The following RBFOX1 variants were observed in gnomAD, a reference collection of about 807,000 sequenced individuals.
RBFOX1 encodes RNA binding fox-1 homolog 1.
Under a neutral mutation model 57.7 loss-of-function variants are expected in RBFOX1, and 8 were observed. The observed-to-expected ratio is 0.14, with a 90% CI of 0.08 to 0.25. The LOEUF is 0.25. RBFOX1 is among the 10% of genes least tolerant of loss of function. The pLI, the probability that RBFOX1 is intolerant of heterozygous loss-of-function variation, is 1.00. For missense variants in RBFOX1, 611 were observed against 548.5 expected (o/e 1.11, Z -1.14); for synonymous variants, 326 against 222.4 (o/e 1.47, Z -4.15).
chr16:5,847,988 G>A (rs1025773625), intron 3 of RBFOX1, among the ~76,000 whole-genome samples: 3 of 152,116 alleles, frequency 2.0e-5, no homozygotes, highest in Admixed American at 6.5e-5. Context: ...ATCATCTGGT[G>A]TAGTGTAAAC....
chr16:7,161,118 C>G lies in RBFOX1; in HGVS notation c.27+109020C>G, dbSNP rs577434842. 6.9e-4 allele frequency among the ~76,000 whole-genome samples: 104 copies of G among 151,730 alleles called. 1 individual carries two copies. The highest frequency in any genetic ancestry group is 2.3e-3 in the African/African-American group (95 of 41,064). On this transcript the variant is annotated intron_variant, in intron 4 of 15. Coordinates refer to ENST00000550418, the MANE Select transcript of RBFOX1 (RefSeq NM_018723.4). The stretch of plus-strand genomic sequence containing the variant: ...GTGTATTTAGTGTTTACATCAAGAC[C>G]AACCTCTGGGATTACAAAATAATTT...
chr16:5,472,823 C>T (rs2069183706), intron 2 of RBFOX1, among the ~76,000 whole-genome samples: 1 of 152,208 alleles, frequency 6.6e-6, no homozygotes, highest in African/African-American at 2.4e-5. Context: ...TCCATGGAAG[C>T]TGCACGCCTG....
At chr16:5,600,954 A>G (rs981208880), downstream of RBFOX1, among the ~76,000 whole-genome samples, 1 of 152,140 alleles carries the variant, frequency 6.6e-6, no homozygotes, top group East Asian at 1.9e-4. Flanking sequence ...GTAATTGCCC[A>G]TGGTCACACA....
chr16:6,053,973 T>C (rs1259263123), intron 1 of RBFOX1, among the ~76,000 whole-genome samples: 2 of 152,134 alleles, frequency 1.3e-5, no homozygotes, highest in African/African-American at 4.8e-5. Flanking sequence ...GGAGGATCGC[T>C]TGAGCCCAGG....
At chr16:5,640,588 C>G (rs1022897123) in intron 3 of RBFOX1, among the ~76,000 whole-genome samples, 30 of 151,766 alleles carry the variant, frequency 2.0e-4, no homozygotes, top group African/African-American at 7.0e-4. Context: ...TACACAGATG[C>G]ACACCATGGA....
chr16:6,503,483 C>G (rs1451590040), intron 2 of RBFOX1, among the ~76,000 whole-genome samples: 1 of 152,204 alleles, frequency 6.6e-6, no homozygotes, highest in Non-Finnish European at 1.5e-5. Flanking sequence ...CAGGACATTT[C>G]TTCTGATGGT....
intron 1 of RBFOX1, among the ~76,000 whole-genome samples, chr16:5,313,828 A>G (rs1017066367): frequency 5.3e-5 from 8 of 152,164 alleles, no homozygotes; most frequent in East Asian, 1.9e-4. Flanking sequence ...AATTACAATC[A>G]AAGATGAGAT....
intron 2 of RBFOX1, among the ~76,000 whole-genome samples, chr16:6,362,175 C>T (rs2088673939): frequency 6.6e-6 from 1 of 151,976 alleles, no homozygotes; most frequent in Non-Finnish European, 1.5e-5. Flanking sequence ...CTGCCCACCC[C>T]ACGCCCCCCC....
chr16:6,223,186 C>A (rs2097389212), intron 1 of RBFOX1, among the ~76,000 whole-genome samples: 1 of 150,614 alleles, frequency 6.6e-6, no homozygotes, highest in South Asian at 2.1e-4. Flanking sequence ...TTTATAGCAG[C>A]ATGATTTATA....
At chr16:6,101,025 A>G (rs1275124869) in intron 1 of RBFOX1, among the ~76,000 whole-genome samples, 1 of 152,186 alleles carries the variant, frequency 6.6e-6, no homozygotes, top group Non-Finnish European at 1.5e-5. Context: ...TTTTAGGGTC[A>G]GATGTCAGTT....
chr16:7,201,718 C>G (rs184295556), intron 4 of RBFOX1, among the ~76,000 whole-genome samples: 6 of 152,218 alleles, frequency 3.9e-5, no homozygotes, highest in African/African-American at 1.4e-4. Context: ...CCACCTCAGC[C>G]TCCCAAAGTA....
chr16:7,055,943 G>T (rs1161012158), intron 4 of RBFOX1, among the ~76,000 whole-genome samples: 3 of 152,146 alleles, frequency 2.0e-5, no homozygotes, highest in Non-Finnish European at 4.4e-5. Context: ...TGACACAGAT[G>T]ATTTCTCTGC....
chr16:6,756,637 A>G (rs532572643), intron 3 of RBFOX1, among the ~76,000 whole-genome samples: 1 of 152,254 alleles, frequency 6.6e-6, no homozygotes, highest in East Asian at 1.9e-4. Flanking sequence ...TAATAATCCC[A>G]TTTAAAAATG....
intron 1 of RBFOX1, among the ~76,000 whole-genome samples, chr16:5,343,074 G>C (rs1454757219): frequency 1.3e-5 from 2 of 152,142 alleles, no homozygotes; most frequent in African/African-American, 4.8e-5. Context: ...ACCTAGAATG[G>C]TTAGCTTAGT....
At chr16:6,094,025 G>A (rs1448035119) in intron 1 of RBFOX1, among the ~76,000 whole-genome samples, 1 of 152,036 alleles carries the variant, frequency 6.6e-6, no homozygotes, top group East Asian at 1.9e-4. Context: ...TTCTGTGGAG[G>A]GTTTCTAATT....
chr16:5,959,929 G>C (rs148144627), intron 4 of RBFOX1, among the ~76,000 whole-genome samples: 12 of 152,290 alleles, frequency 7.9e-5, no homozygotes, highest in African/African-American at 2.6e-4. Flanking sequence ...GGCTGGGCGC[G>C]GTGGCTCACG....
intron 3 of RBFOX1, among the ~76,000 whole-genome samples, chr16:5,627,829 C>T (rs1468372765): frequency 6.6e-6 from 1 of 152,134 alleles, no homozygotes; most frequent in Non-Finnish European, 1.5e-5. Flanking sequence ...AGGTTCTATG[C>T]AAATACTGCA....
intron 4 of RBFOX1, among the ~76,000 whole-genome samples, chr16:7,513,945 A>C (rs531499868): frequency 1.3e-5 from 2 of 152,326 alleles, no homozygotes; most frequent in Admixed American, 1.3e-4. Flanking sequence ...CTCCAAGTCT[A>C]GCTATCACCC....
rs147708875 is a variant in RBFOX1, at chr16:7,189,500, A to G, written c.27+137402A>G. ...TAGGGAGACCCACACTGATTCAGGT[A>G]TTCTCTCCAGTTTAGAATACATTGC... is the stretch of plus-strand genomic sequence containing the variant. On this transcript the variant is annotated intron_variant, in intron 4 of 15. Coordinates refer to ENST00000550418, the MANE Select transcript of RBFOX1 (RefSeq NM_018723.4). Among the ~76,000 whole-genome samples, 103 of 147,984 alleles carry G rather than the reference A, an allele frequency of 7.0e-4. No individual in the cohort carries two copies. The South Asian group carries it at 0.01, about 15-fold the overall frequency.
Sources: allele counts gnomAD v4.1 joint callset (sites outside exome capture counted in the v4.1 genomes callset), GRCh38; gene constraint gnomAD v4.1.1; transcripts MANE v1.5; gene names NCBI Gene and HGNC (gene_info 2026-07-23, HGNC 2026-07-21).